ZNF10: variants seen among roughly 807,000 people sequenced by gnomAD.
ZNF10 encodes zinc finger protein 10.
Under a neutral mutation model 12.2 loss-of-function variants are expected in ZNF10, and 8 were observed. The observed-to-expected ratio is 0.66, with a 90% CI of 0.39 to 1.18. The LOEUF (loss-of-function observed/expected upper bound fraction) is 1.18, where lower values mean the gene tolerates loss of function less well. ZNF10 is among the 50% of genes most tolerant of loss of function. The probability of loss-of-function intolerance (pLI) is 0.01; values close to 1 mark genes in which losing one functional copy is unlikely to be tolerated. For missense variants in ZNF10, 603 were observed against 678.9 expected, an observed-to-expected ratio of 0.89 and a Z score of 1.24; for synonymous variants, 229 against 228.2, an observed-to-expected ratio of 1.00 and a Z score of -0.03.
In ZNF10 at chr12:133,135,453, C is replaced by T. The variant is rs148777066; in HGVS notation, c.-60+4699C>T. Among the ~76,000 whole-genome samples, 6 of 152,304 alleles carry T rather than the reference C, an allele frequency of 3.9e-5. No homozygotes were observed. In the East Asian group the frequency reaches 5.8e-4, roughly 15 times the overall value. Reference sequence around the variant, plus strand: ...TTGAAACAGCTTTCCTCTGTGGCATCGCAGTGTTCCAGGACTTCGTTATAT... The same window carrying T: ...TTGAAACAGCTTTCCTCTGTGGCATTGCAGTGTTCCAGGACTTCGTTATAT... On this transcript the variant is annotated intron_variant, in intron 1 of 4. Coordinates refer to ENST00000248211, the MANE Select transcript of ZNF10 (RefSeq NM_015394.5).
At chr12:133,134,875 C>T (rs1420324596) in intron 1 of ZNF10, among the ~76,000 whole-genome samples, 1 of 152,156 alleles carries the variant, frequency 6.6e-6, no homozygotes, top group Non-Finnish European at 1.5e-5. Flanking sequence ...AAATGTAAAG[C>T]TCACATTGTG....
chr12:133,149,032 A>G (rs1020855218), intron 2 of ZNF10, among the ~76,000 whole-genome samples: 10 of 152,106 alleles, frequency 6.6e-5, no homozygotes, highest in African/African-American at 2.2e-4. Flanking sequence ...GATTACAGGC[A>G]TGAGCCACCG....
chr12:133,142,732 A>G (rs574153873), intron 1 of ZNF10, among the ~76,000 whole-genome samples: 1 of 152,358 alleles, frequency 6.6e-6, no homozygotes, highest in South Asian at 2.1e-4. Context: ...TAGAATATGC[A>G]TATATATTCC....
intron 1 of ZNF10, among the ~76,000 whole-genome samples, chr12:133,138,196 G>T (rs1440965542): frequency 6.6e-6 from 1 of 152,096 alleles, no homozygotes; most frequent in Non-Finnish European, 1.5e-5. Flanking sequence ...GTTTGAGTGA[G>T]TTATCTAGTA....
At chr12:133,147,720 A>C (rs974758677) in intron 2 of ZNF10, among the ~76,000 whole-genome samples, 1 of 150,994 alleles carries the variant, frequency 6.6e-6, no homozygotes, top group African/African-American at 2.4e-5. Context: ...GATTCAAGCA[A>C]TTCTCCTGCC....
At chr12:133,135,804 A>G (rs1045483893) in intron 1 of ZNF10, among the ~76,000 whole-genome samples, 1 of 152,244 alleles carries the variant, frequency 6.6e-6, no homozygotes, top group Admixed American at 6.5e-5. Context: ...ACCTGCACAC[A>G]TAGAAATCCC....
At position 133,158,912 on chromosome 12, in the gene ZNF10, A is replaced by C. The variant is rs568022972; in HGVS notation, c.*1944A>C. 5.2e-5 allele frequency: 8 copies of C among 152,386 alleles called. No homozygotes were observed. Among genetic ancestry groups the C allele is most frequent in the African/African-American group, 1.9e-4 (8 of 41,570 alleles). The allele number at this position is 152,386 out of a possible 1,614,324, so 9.4% of individuals were successfully genotyped here. A position where few individuals can be genotyped will look rare whatever the true frequency, so the allele number is the denominator to read the frequency against. The stretch of plus-strand genomic sequence containing the variant: ...GACTCAGAACTAGGTCCTGGGTTTC[A>C]TGTTTCCTGCTGCTCTTCTCACTGT... On this transcript the variant is annotated 3_prime_UTR_variant, in exon 5 of 5. Coordinates refer to ENST00000248211, the MANE Select transcript of ZNF10 (RefSeq NM_015394.5).
intron 2 of ZNF10, among the ~76,000 whole-genome samples, chr12:133,145,451 C>T (rs560201305): frequency 1.9e-4 from 29 of 152,174 alleles, no homozygotes; most frequent in Non-Finnish European, 2.5e-4. Context: ...ATGAGACAGA[C>T]GGTATTTTAC....
Position 133,135,875 on chromosome 12 carries a change from A to G in ZNF10, c.-60+5121A>G, listed in dbSNP as rs201059676. Among the ~76,000 whole-genome samples the G allele has an allele frequency of 4.6e-5, 7 of 152,348 alleles. No individual in the cohort carries two copies. In the East Asian group the frequency reaches 7.7e-4, roughly 17 times the overall value. On this transcript the variant is annotated intron_variant, in intron 1 of 4. Transcript: ENST00000248211. The stretch of plus-strand genomic sequence containing the variant: ...TTCAGGCAGCGAGTGCTGCTTGAGG[A>G]AATCACAGCTAGGCAGACAAGTATG...
At chr12:133,144,357 T>G (rs1198544377) in intron 1 of ZNF10, 77 bp from the exon 2 acceptor site, 3 of 756,460 alleles carry the variant, frequency 4.0e-6, no homozygotes, top group Non-Finnish European at 6.5e-6. Flanking sequence ...CCAGCTGGTA[T>G]GAAGAAGTTT....
chr12:133,141,949 A>G (rs1304917088), intron 1 of ZNF10, among the ~76,000 whole-genome samples: 1 of 152,206 alleles, frequency 6.6e-6, no homozygotes, highest in Non-Finnish European at 1.5e-5. Flanking sequence ...AGGAAAATAC[A>G]TGCTATATAC....
chr12:133,141,785 A>G (rs1226663882), intron 1 of ZNF10, among the ~76,000 whole-genome samples: 1 of 152,130 alleles, frequency 6.6e-6, no homozygotes, highest in Non-Finnish European at 1.5e-5. Context: ...TGAAGAAATA[A>G]TGGCTGGAAA....
At chr12:133,146,385 G>T (rs772082754) in intron 2 of ZNF10, among the ~76,000 whole-genome samples, 4 of 152,204 alleles carry the variant, frequency 2.6e-5, no homozygotes, top group Non-Finnish European at 5.9e-5. Flanking sequence ...ACAGAGTAGG[G>T]TGGAGAGGAA....
At chr12:133,134,082 T>G (rs576843543) in intron 1 of ZNF10, among the ~76,000 whole-genome samples, 1 of 148,770 alleles carries the variant, frequency 6.7e-6, no homozygotes, top group East Asian at 2.0e-4. Context: ...GGAGATCACC[T>G]GAGGTCAGGA....
At chr12:133,143,512 C>T (rs889332048) in intron 1 of ZNF10, 4 of 152,016 alleles carry the variant, frequency 2.6e-5, no homozygotes, top group South Asian at 2.1e-4. Context: ...AGGAGACCTC[C>T]GTTACAGGAA....
chr12:133,132,925 A>G (rs1432592596), intron 1 of ZNF10, among the ~76,000 whole-genome samples: 1 of 152,206 alleles, frequency 6.6e-6, no homozygotes, highest in East Asian at 1.9e-4. Flanking sequence ...ATTTTAACAC[A>G]TACCCATCTG....
At chr12:133,139,363 A>G (rs1376674001) in intron 1 of ZNF10, 3 of 152,252 alleles carry the variant, frequency 2.0e-5, no homozygotes, top group Non-Finnish European at 4.4e-5. Flanking sequence ...AAAGATGTTC[A>G]GGCAACTCAA....
intron 2 of ZNF10, among the ~76,000 whole-genome samples, chr12:133,149,916 A>G (rs992640230): frequency 3.9e-4 from 60 of 152,138 alleles, no homozygotes; most frequent in African/African-American, 1.4e-3. Context: ...GGATTAGAAT[A>G]TACATATCTA....
chr12:133,144,241 A>G (rs1955962848), intron 1 of ZNF10, 193 bp from the exon 2 acceptor site: 1 of 351,016 alleles, frequency 2.8e-6, no homozygotes, highest in Non-Finnish European at 5.1e-6. Flanking sequence ...TAAAAATGCA[A>G]TTTATGTAGC....
Sources: allele counts gnomAD v4.1 joint callset (sites outside exome capture counted in the v4.1 genomes callset), GRCh38; gene constraint gnomAD v4.1.1; transcripts MANE v1.5; gene names NCBI Gene and HGNC (gene_info 2026-07-23, HGNC 2026-07-21).